KANSL1L: variants seen among roughly 807,000 people sequenced by gnomAD.
KANSL1L encodes the protein KAT8 regulatory NSL complex subunit 1 like, also known as KAT8 regulatory NSL complex subunit 1-like protein.
KANSL1L carries 25 observed loss-of-function variants against 108.6 expected under a neutral mutation model. The observed-to-expected ratio is 0.23, with a 90% CI of 0.17 to 0.32. KANSL1L has a LOEUF of 0.32. Among genes scored for constraint, KANSL1L ranks in the 10% least tolerant of loss-of-function variants. The pLI is 1.00. For synonymous variants in KANSL1L, 405 were observed against 395.1 expected, an observed-to-expected ratio of 1.03 and a Z score of -0.30; for missense variants, 1,137 against 1,125.7, an observed-to-expected ratio of 1.01 and a Z score of -0.14.
chr2:210,074,032 A>G (rs2094525645), intron 6 of KANSL1L, among the ~76,000 whole-genome samples: 1 of 152,196 alleles, frequency 6.6e-6, no homozygotes, highest in Non-Finnish European at 1.5e-5. Context: ...AATAAATTCC[A>G]GCTCAGCAAG....
chr2:210,083,999 T>C (rs1238854987), intron 5 of KANSL1L, among the ~76,000 whole-genome samples: 1 of 152,108 alleles, frequency 6.6e-6, no homozygotes, highest in East Asian at 1.9e-4. Context: ...ACCATTTCCC[T>C]TACTCTGGGT....
chr2:210,082,913 T>C (rs1292506465), intron 5 of KANSL1L, among the ~76,000 whole-genome samples: 1 of 152,174 alleles, frequency 6.6e-6, no homozygotes, highest in South Asian at 2.1e-4. Flanking sequence ...CCCACTAAAC[T>C]GGGTTGAATA....
chr2:210,038,229 C>G (rs148324913), intron 8 of KANSL1L, among the ~76,000 whole-genome samples: 2 of 151,930 alleles, frequency 1.3e-5, no homozygotes, highest in Non-Finnish European at 2.9e-5. Context: ...AGACTAGATT[C>G]TTGGAAATGG....
At chr2:210,077,196 G>A (rs1350583355) in intron 5 of KANSL1L, among the ~76,000 whole-genome samples, 2 of 151,988 alleles carry the variant, frequency 1.3e-5, no homozygotes, top group Admixed American at 6.6e-5. Context: ...CAACAAATAC[G>A]TAATTGATTA....
intron 3 of KANSL1L, among the ~76,000 whole-genome samples, chr2:210,111,819 G>C (rs1180211683): frequency 6.6e-6 from 1 of 151,646 alleles, no homozygotes; most frequent in Non-Finnish European, 1.5e-5. Flanking sequence ...CGCCATGTTG[G>C]TGTGCTGCAC....
chr2:210,054,486 G>A (rs1346701477), intron 6 of KANSL1L, among the ~76,000 whole-genome samples: 1 of 152,048 alleles, frequency 6.6e-6, no homozygotes, highest in African/African-American at 2.4e-5. Flanking sequence ...CAATTCTATT[G>A]AGGGCAATTT....
intron 6 of KANSL1L, among the ~76,000 whole-genome samples, chr2:210,073,898 C>G (rs536962377): frequency 6.6e-6 from 1 of 152,188 alleles, no homozygotes; most frequent in South Asian, 2.1e-4. Flanking sequence ...TGAGCACATT[C>G]TATCAGACAG....
intron 14 of KANSL1L, among the ~76,000 whole-genome samples, chr2:210,023,774 G>C (rs181625297): frequency 2.3e-3 from 352 of 152,236 alleles, no homozygotes; most frequent in African/African-American, 7.9e-3. Context: ...CATTAATCAG[G>C]TTTGTTTCGT....
At chr2:210,145,380 T>C (rs2095258167) in intron 2 of KANSL1L, among the ~76,000 whole-genome samples, 1 of 152,118 alleles carries the variant, frequency 6.6e-6, no homozygotes, top group Admixed American at 6.5e-5. Flanking sequence ...AGGGCTGAGG[T>C]GGCACCCATA....
chr2:210,032,595 T>C (rs372718968), intron 8 of KANSL1L: 54 of 152,338 alleles, frequency 3.5e-4, no homozygotes, highest in African/African-American at 1.2e-3. Flanking sequence ...ATCAGAGCTT[T>C]AGGCAGAGAA....
intron 3 of KANSL1L, among the ~76,000 whole-genome samples, chr2:210,128,424 TAAAA>T (rs1256944899): frequency 1.3e-5 from 2 of 152,128 alleles, no homozygotes; most frequent in Non-Finnish European, 2.9e-5. Context: ...TTATTAGTCT[TAAAA>T]AGGAAAGAAA....
At chr2:210,136,592 C>A (rs2095175970) in intron 2 of KANSL1L, among the ~76,000 whole-genome samples, 1 of 152,148 alleles carries the variant, frequency 6.6e-6, no homozygotes, top group African/African-American at 2.4e-5. Flanking sequence ...GGAAGCCAGG[C>A]AACCATGTAA....
intron 5 of KANSL1L, among the ~76,000 whole-genome samples, chr2:210,085,913 TA>T (rs1430742529): frequency 8.7e-5 from 13 of 149,450 alleles, no homozygotes; most frequent in Admixed American, 8.7e-4. Flanking sequence ...TTATTGTAAT[TA>T]AATATTTATT....
intron 5 of KANSL1L, among the ~76,000 whole-genome samples, chr2:210,087,669 C>A (rs1575505091): frequency 6.6e-6 from 1 of 152,070 alleles, no homozygotes; most frequent in East Asian, 1.9e-4. Context: ...GTAAGATAGA[C>A]CAAAAAATTC....
rs780439515 is a variant in KANSL1L, at chr2:210,153,546, C to A, written c.1037G>T (p.Ser346Ile). The A allele has an allele frequency of 6.2e-7, 1 of 1,614,110 alleles. No homozygotes were observed. The highest frequency in any genetic ancestry group is 1.1e-5 in the South Asian group (1 of 91,076). Residue 346 changes from serine (S) to isoleucine (I), a missense_variant, in exon 2 of 15, where the codon AGC becomes ATC. By Grantham distance (142) the Ser-to-Ile change is moderately radical (BLOSUM62 -2). Around this residue, in one of 3 missense-constraint regions of KANSL1L, gnomAD observed 556 missense variants for 537.7 expected, o/e 1.03. Transcript: ENST00000281772. Reference sequence around the variant, plus strand: ...TTCATCCAAATCGTCATCAGAGCTGCTATCAGTTGCATCGGAATCCAAACC... The same window carrying A: ...TTCATCCAAATCGTCATCAGAGCTGATATCAGTTGCATCGGAATCCAAACC... ...EEGLDSDATD[S>I]SSDDDLDEYT...
Position 210,153,972 on chromosome 2 carries a change from T to G in KANSL1L, c.611A>C (p.His204Pro). The change falls in exon 2 of 15, where the codon CAC (histidine) becomes CCC (proline). Residue 204 changes from histidine (H) to proline (P), a missense_variant. His to Pro is a moderately conservative substitution (Grantham distance 77). Transcript: ENST00000281772. ...TGAAGAACTAACAGGCACATTTGAG[T>G]GGCCAGGTACAATTTTCTTTTGAGT... ...HCTQKKIVPGHSNVPVSSSAA... is the reference protein window; with the variant it reads ...HCTQKKIVPGPSNVPVSSSAA... 2 of 1,613,602 alleles carry G rather than the reference T, an allele frequency of 1.2e-6. No individual in the cohort carries two copies. Among genetic ancestry groups the G allele is most frequent in the South Asian group, 2.2e-5 (2 of 91,080 alleles).
At chr2:210,045,487 A>G (rs1466881020) in intron 6 of KANSL1L, among the ~76,000 whole-genome samples, 1 of 152,162 alleles carries the variant, frequency 6.6e-6, no homozygotes, top group Admixed American at 6.5e-5. Flanking sequence ...TGACCTCACA[A>G]TATATTGGTG....
rs184484900 is a variant in KANSL1L at position 210,158,740 on chromosome 2, C to T, written c.-29-4129G>A. On this transcript the variant is annotated intron_variant, in intron 1 of 14. Coordinates refer to ENST00000281772, the MANE Select transcript of KANSL1L (RefSeq NM_152519.4). The stretch of plus-strand genomic sequence containing the variant: ...AACCTAGCCTAAGTAAGTCTCTCTA[C>T]TTTGCAACCAAAAGAAACTAATGAA... 5.0e-4 allele frequency among the ~76,000 whole-genome samples: 75 copies of T among 150,528 alleles called. 1 individual carries two copies. The South Asian group carries it at 0.015, about 31-fold the overall frequency.
Position 210,021,802 on chromosome 2 carries a change from G to A in KANSL1L, c.*1147C>T, listed in dbSNP as rs190699655. 9 of 151,506 alleles carry A rather than the reference G, an allele frequency of 5.9e-5. No individual in the cohort carries two copies. Among genetic ancestry groups the A allele is most frequent in the Admixed American group, 3.3e-4 (5 of 15,142 alleles). The allele number at this position is 151,506 out of a possible 1,614,324, so 9.4% of individuals were successfully genotyped here. On this transcript the variant is annotated 3_prime_UTR_variant, in exon 15 of 15. Coordinates refer to ENST00000281772, the MANE Select transcript of KANSL1L (RefSeq NM_152519.4). ...AAAAAATGGTTTAATAGCTTCAAAA[G>A]GAATTTTCTTTCATGTATACTCTTC...
Sources: gnomAD v4.1 joint callset for allele counts (sites outside exome capture counted in the v4.1 genomes callset) on GRCh38, gnomAD v4.1.1 for gene constraint, gnomAD v4.1.1 regional missense constraint, MANE v1.5 for transcripts, NCBI Gene and HGNC (gene_info 2026-07-23, HGNC 2026-07-21) for gene names.